The following MTBP variants were observed in gnomAD, a reference collection of about 807,000 sequenced individuals.
MTBP encodes mdm2-binding protein.
MTBP carries 101 observed loss-of-function variants against 117.0 expected under a neutral mutation model. The ratio of observed to expected loss-of-function variants is 0.86; its 90% CI spans 0.73 to 1.02. The LOEUF is 1.02. Ranked by LOEUF, MTBP falls within the 50% of genes least tolerant of loss-of-function variation. MTBP has a pLI of 0.00. For synonymous variants in MTBP, 350 were observed against 351.5 expected (o/e 1.00, Z 0.05); for missense variants, 970 against 1,030.9 (o/e 0.94, Z 0.81).
chr8:120,460,059 G>A (rs1469858425), intron 8 of MTBP, among the ~76,000 whole-genome samples: 1 of 152,026 alleles, frequency 6.6e-6, no homozygotes, highest in Non-Finnish European at 1.5e-5. Flanking sequence ...AAAACAGTGG[G>A]CATGAAGTTA....
At chr8:120,486,963 C>A (rs1365194986) in intron 11 of MTBP, among the ~76,000 whole-genome samples, 2 of 152,128 alleles carry the variant, frequency 1.3e-5, no homozygotes, top group Non-Finnish European at 2.9e-5. Flanking sequence ...GGAGTGGGTC[C>A]ACAGACTTTC....
At chr8:120,478,506 G>T (rs755369349) in intron 11 of MTBP, among the ~76,000 whole-genome samples, 1 of 152,056 alleles carries the variant, frequency 6.6e-6, no homozygotes, top group Admixed American at 6.5e-5. Context: ...TATAATTCTA[G>T]ATGTTTGATA....
At position 120,516,213 on chromosome 8, in the gene MTBP, A is replaced by G. The variant is rs969158369; in HGVS notation, c.2246+22A>G. On this transcript the variant is annotated intron_variant, in intron 18 of 21. Transcript: ENST00000305949. ...AAAGGTGATATATTACATGCACATA[A>G]ATAGTATATTGACAGAAAGTATTTT... is the stretch of plus-strand genomic sequence containing the variant. 5.7e-6 allele frequency: 9 copies of G among 1,567,780 alleles called. No homozygotes were observed. In the African/African-American group the frequency reaches 9.6e-5, roughly 17 times the overall value.
At chr8:120,519,449 C>A (rs916558997) in intron 20 of MTBP, among the ~76,000 whole-genome samples, 5 of 152,018 alleles carry the variant, frequency 3.3e-5, no homozygotes, top group African/African-American at 9.7e-5. Flanking sequence ...AGTTGTAAGA[C>A]ATTGGACAGG....
chr8:120,502,569 C>T lies in MTBP; in HGVS notation c.1687C>T (p.Gln563Ter), dbSNP rs781568155. Reference protein sequence around the residue: ...PLEWPERHVLQNLETFEKTKQ... With the variant: ...PLEWPERHVL ...GGAATGGCCAGAAAGGCATGTTCTT[C>T]AAAATTTGGAAACTTTTGAAAAAAC... The change falls in exon 15 of 22, where the codon CAA (glutamine) becomes TAA (stop). Residue 563 changes from glutamine to a stop codon, truncating the protein, a stop_gained. Coordinates refer to ENST00000305949, the MANE Select transcript of MTBP (RefSeq NM_022045.5). LOFTEE classifies it high-confidence loss of function. 6.2e-7 allele frequency: 1 copy of T among 1,602,086 alleles called. No individual in the cohort carries two copies. Among genetic ancestry groups the T allele is most frequent in the Non-Finnish European group, 8.5e-7 (1 of 1,174,820 alleles).
chr8:120,506,708 C>A lies in MTBP; in HGVS notation c.1730C>A (p.Thr577Asn). 6.3e-7 allele frequency: 1 copy of A among 1,594,940 alleles called. No individual in the cohort carries two copies. Among genetic ancestry groups the A allele is most frequent in the Admixed American group, 1.8e-5 (1 of 56,062 alleles). Residue 577 changes from threonine (T) to asparagine (N), a missense_variant and splice_region_variant, in exon 16 of 22, where the codon ACT becomes AAT. Physicochemically the swap from Thr to Asn is moderately conservative, Grantham distance 65. Coordinates refer to ENST00000305949, the MANE Select transcript of MTBP (RefSeq NM_022045.5). ...TCTGCATAACATTATTTTCCCAGAA[C>A]TGGTTCATTACCTCATTCATCTGAA... ...TFEKTKQKMRTGSLPHSSEQL... is the reference protein window; with the variant it reads ...TFEKTKQKMRNGSLPHSSEQL...
chr8:120,475,729 TAA>T (rs1337409506), intron 11 of MTBP, among the ~76,000 whole-genome samples: 1 of 151,976 alleles, frequency 6.6e-6, no homozygotes, highest in Admixed American at 6.6e-5. Context: ...AAAATGAAAT[TAA>T]GTCAACCTTA....
rs1430113987 is a variant in MTBP at position 120,497,392 on chromosome 8, GA to G, written c.1450del (p.Arg484AspfsTer20). On this transcript the variant is annotated frameshift_variant and splice_region_variant, in exon 14 of 22. Coordinates refer to ENST00000305949, the MANE Select transcript of MTBP (RefSeq NM_022045.5). LOFTEE classifies it high-confidence loss of function. ...VQVLALEECL[K>X]RRKLAKQPET... The stretch of plus-strand genomic sequence containing the variant: ...GTCAATTGTATTGATTTGTCTTATA[GA>G]AAGACGAAAGTTGGCAAAGCAGCCT... 6.2e-7 allele frequency: 1 copy of G among 1,602,018 alleles called. No homozygotes were observed.
chr8:120,503,619 G>T (rs970843519), intron 15 of MTBP, among the ~76,000 whole-genome samples: 30 of 152,092 alleles, frequency 2.0e-4, no homozygotes, highest in Admixed American at 1.2e-3. Flanking sequence ...AAGTGCATTG[G>T]TGGGAGGATT....
In MTBP at chr8:120,522,700, C is replaced by G; in HGVS notation, c.2657C>G (p.Ala886Gly). The G allele has an allele frequency of 3.1e-6, 5 of 1,605,972 alleles. No individual in the cohort carries two copies. The South Asian group carries it at 5.5e-5, about 18-fold the overall frequency. ...RGLFEEMKKT[A>G]NNNAVQVIDW... ...CTATTTGAAGAAATGAAGAAAACAG[C>G]AAACAACAATGCTGTACAGGTAAAG... The change falls in exon 21 of 22, where the codon GCA (alanine) becomes GGA (glycine). Residue 886 changes from alanine to glycine, a missense_variant. Physicochemically the swap from Ala to Gly is moderately conservative, Grantham distance 60. Coordinates refer to ENST00000305949, the MANE Select transcript of MTBP (RefSeq NM_022045.5).
intron 2 of MTBP, among the ~76,000 whole-genome samples, chr8:120,449,815 A>G (rs1388974035): frequency 1.3e-5 from 2 of 152,206 alleles, no homozygotes; most frequent in African/African-American, 4.8e-5. Context: ...AACAGAACTA[A>G]AAACCGCTAG....
At chr8:120,497,985 A>G (rs542753184) in intron 14 of MTBP, among the ~76,000 whole-genome samples, 2 of 152,336 alleles carry the variant, frequency 1.3e-5, no homozygotes, top group East Asian at 3.9e-4. Flanking sequence ...AGGAACAGTC[A>G]GACTTCACTG....
intron 14 of MTBP, among the ~76,000 whole-genome samples, chr8:120,497,796 G>T (rs1041681266): frequency 1.3e-5 from 2 of 151,886 alleles, no homozygotes; most frequent in Non-Finnish European, 2.9e-5. Context: ...ATTGTTTTTG[G>T]GCAGAGGAAG....
chr8:120,516,346 A>C (rs1372737491), intron 18 of MTBP, among the ~76,000 whole-genome samples, 155 bp downstream of exon 18: 1 of 152,068 alleles, frequency 6.6e-6, no homozygotes, highest in African/African-American at 2.4e-5. Context: ...AAGTTATAAA[A>C]ATAAATGATT....
intron 14 of MTBP, among the ~76,000 whole-genome samples, chr8:120,499,004 C>G (rs1325957869): frequency 1.3e-5 from 2 of 152,084 alleles, no homozygotes; most frequent in Admixed American, 6.5e-5. Context: ...ATCTTAAAAT[C>G]AAAAAGGTTT....
chr8:120,522,529 C>A, intron 20 of MTBP, 125 bp from the exon 21 acceptor site: 1 of 623,102 alleles, frequency 1.6e-6, no homozygotes, highest in South Asian at 2.7e-5. Flanking sequence ...TTGTTGTAGT[C>A]TGTCCCTAAT....
rs780226244 is a variant in MTBP, at chr8:120,488,379, G to T, written c.1339+47G>T. On this transcript the variant is annotated intron_variant, in intron 12 of 21. Transcript: ENST00000305949. ...AAAAACATGTTTACATTGTTTGTGT[G>T]TGTGGTTAGCATATGTGGCTTTAAG... 4 of 1,405,948 alleles carry T rather than the reference G, an allele frequency of 2.8e-6. No individual in the cohort carries two copies. The South Asian group carries it at 6.9e-5, about 24-fold the overall frequency. 87.1% of individuals were successfully genotyped at this position (1,405,948 alleles called of 1,614,324 possible).
chr8:120,469,017 T>A (rs1446154737), intron 10 of MTBP, among the ~76,000 whole-genome samples: 1 of 152,022 alleles, frequency 6.6e-6, no homozygotes, highest in Non-Finnish European at 1.5e-5. Flanking sequence ...GGCACCTACT[T>A]ATTGAGCTTT....
chr8:120,483,332 T>C (rs1814135756), intron 11 of MTBP, among the ~76,000 whole-genome samples: 1 of 152,124 alleles, frequency 6.6e-6, no homozygotes, highest in South Asian at 2.1e-4. Context: ...TTTTGCTTTA[T>C]TATTTCATTT....
Sources: gnomAD v4.1 joint callset for allele counts (sites outside exome capture counted in the v4.1 genomes callset) on GRCh38, gnomAD v4.1.1 for gene constraint, MANE v1.5 for transcripts, NCBI Gene and HGNC (gene_info 2026-07-23, HGNC 2026-07-21) for gene names.